PRKCA: variants seen among roughly 807,000 people sequenced by gnomAD.
The protein encoded by PRKCA is protein kinase C alpha type.
Under a neutral mutation model 87.0 loss-of-function variants are expected in PRKCA, and 27 were observed. That is an observed-to-expected ratio of 0.31 (90% CI 0.23 to 0.43). The LOEUF (loss-of-function observed/expected upper bound fraction) is 0.43. Among genes scored for constraint, PRKCA ranks in the 20% least tolerant of loss-of-function variants. PRKCA has a pLI of 1.00. For synonymous variants in PRKCA, 329 were observed against 311.1 expected (o/e 1.06, Z -0.61); for missense variants, 518 against 852.3 (o/e 0.61, Z 4.88).
At chr17:66,480,898 A>G (rs570622182) in intron 2 of PRKCA, among the ~76,000 whole-genome samples, 4 of 152,214 alleles carry the variant, frequency 2.6e-5, no homozygotes, top group South Asian at 2.1e-4. Context: ...TTCTTGGTCA[A>G]TGTGAATTGC....
At chr17:66,457,241 G>T (rs1374304391) in intron 2 of PRKCA, among the ~76,000 whole-genome samples, 1 of 152,178 alleles carries the variant, frequency 6.6e-6, no homozygotes, top group Non-Finnish European at 1.5e-5. Flanking sequence ...TTTTGGGCCT[G>T]TGGGGGTCAG....
chr17:66,640,457 C>T (rs755506311), intron 3 of PRKCA, among the ~76,000 whole-genome samples: 1 of 152,152 alleles, frequency 6.6e-6, no homozygotes, highest in South Asian at 2.1e-4. Flanking sequence ...TATGGGGAGG[C>T]GTAATTTCAG....
intron 3 of PRKCA, among the ~76,000 whole-genome samples, chr17:66,520,844 T>C (rs1967136993): frequency 6.6e-6 from 1 of 152,208 alleles, no homozygotes; most frequent in Non-Finnish European, 1.5e-5. Flanking sequence ...ATGACTCCAG[T>C]ACCACTTGCC....
intron 8 of PRKCA, among the ~76,000 whole-genome samples, chr17:66,731,155 A>G (rs555596476): frequency 6.6e-6 from 1 of 152,270 alleles, no homozygotes; most frequent in African/African-American, 2.4e-5. Context: ...GTTCGAGACC[A>G]GGCTGCCCAA....
intron 5 of PRKCA, among the ~76,000 whole-genome samples, chr17:66,653,308 A>G (rs1435733556): frequency 6.6e-6 from 1 of 152,214 alleles, no homozygotes; most frequent in East Asian, 1.9e-4. Flanking sequence ...ATGTGTAAGA[A>G]GTAGGCTGGA....
At chr17:66,459,396 T>C (rs1032127787) in intron 2 of PRKCA, among the ~76,000 whole-genome samples, 2 of 152,036 alleles carry the variant, frequency 1.3e-5, no homozygotes, top group Non-Finnish European at 2.9e-5. Context: ...ACAAAACACA[T>C]GATGAATACG....
chr17:66,397,934 G>A (rs1201047265), intron 2 of PRKCA: 1 of 152,170 alleles, frequency 6.6e-6, no homozygotes, highest in Non-Finnish European at 1.5e-5. Flanking sequence ...CAAAGAAGTA[G>A]AGCCATCATA....
chr17:66,374,671 C>G (rs1290503336), intron 2 of PRKCA, among the ~76,000 whole-genome samples: 3 of 150,966 alleles, frequency 2.0e-5, no homozygotes, highest in African/African-American at 4.9e-5. Flanking sequence ...TTAATTACAA[C>G]TGCCACTTGA....
At chr17:66,683,330 G>C (rs951873101) in intron 5 of PRKCA, among the ~76,000 whole-genome samples, 4 of 152,242 alleles carry the variant, frequency 2.6e-5, no homozygotes, top group African/African-American at 4.8e-5. Flanking sequence ...AATGATGTCA[G>C]TGTGCTAGGC....
At chr17:66,645,215 T>C (rs1286714687) in intron 4 of PRKCA, among the ~76,000 whole-genome samples, 168 bp from the exon 5 acceptor site, 1 of 152,222 alleles carries the variant, frequency 6.6e-6, no homozygotes, top group Non-Finnish European at 1.5e-5. Context: ...ACATGAAGCC[T>C]GTGCTGTACA....
At chr17:66,304,991 C>A (rs1174631687) in intron 1 of PRKCA, among the ~76,000 whole-genome samples, 1 of 152,122 alleles carries the variant, frequency 6.6e-6, no homozygotes, top group East Asian at 1.9e-4. Context: ...TATTGTCTTT[C>A]CACTATCAGT....
chr17:66,587,867 G>GTA (rs370389994), intron 3 of PRKCA, among the ~76,000 whole-genome samples: 5 of 56,230 alleles, frequency 8.9e-5, no homozygotes, highest in African/African-American at 3.3e-4. Context: ...ATATACATAT[G>GTA]TATGTGTGTG....
intron 5 of PRKCA, among the ~76,000 whole-genome samples, chr17:66,681,755 G>A (rs1472984285): frequency 6.6e-6 from 1 of 152,198 alleles, no homozygotes; most frequent in African/African-American, 2.4e-5. Flanking sequence ...CTGCCCCTGA[G>A]AAGTCACCCA....
At chr17:66,342,466 A>C (rs137892682) in intron 2 of PRKCA, among the ~76,000 whole-genome samples, 2,019 of 147,514 alleles carry the variant, frequency 0.014, 50 homozygotes, top group African/African-American at 0.047. Context: ...TAATAATAAT[A>C]ATAATAATAA....
chr17:66,709,930 G>A (rs1301232329), intron 8 of PRKCA, among the ~76,000 whole-genome samples: 1 of 152,052 alleles, frequency 6.6e-6, no homozygotes, highest in Non-Finnish European at 1.5e-5. Context: ...TTGAAAAATG[G>A]CAATCTGTAT....
At chr17:66,440,816 A>T (rs567775614) in intron 2 of PRKCA, among the ~76,000 whole-genome samples, 2 of 152,222 alleles carry the variant, frequency 1.3e-5, no homozygotes, top group East Asian at 3.9e-4. Flanking sequence ...GCTTGAGCCC[A>T]GGAGTTTGAG....
intron 8 of PRKCA, among the ~76,000 whole-genome samples, chr17:66,702,295 A>G (rs1973084034): frequency 6.6e-6 from 1 of 152,168 alleles, no homozygotes; most frequent in African/African-American, 2.4e-5. Flanking sequence ...GGACATTATC[A>G]TATTATCATC....
intron 2 of PRKCA, among the ~76,000 whole-genome samples, chr17:66,488,030 C>T (rs1243999688): frequency 6.6e-6 from 1 of 152,060 alleles, no homozygotes; most frequent in Non-Finnish European, 1.5e-5. Flanking sequence ...ACCATAATGC[C>T]CTGTAGCATA....
At chr17:66,334,288 T>C (rs1906526532) in intron 2 of PRKCA, among the ~76,000 whole-genome samples, 1 of 152,020 alleles carries the variant, frequency 6.6e-6, no homozygotes, top group African/African-American at 2.4e-5. Flanking sequence ...AACTGTAATA[T>C]AGTATAAAAA....
Sources: gnomAD v4.1 joint callset for allele counts (sites outside exome capture counted in the v4.1 genomes callset) on GRCh38, gnomAD v4.1.1 for gene constraint, MANE v1.5 for transcripts, NCBI Gene and HGNC (gene_info 2026-07-23, HGNC 2026-07-21) for gene names.